The following MTUS2 variants were observed in gnomAD, a reference collection of about 807,000 sequenced individuals.
MTUS2 encodes microtubule-associated tumor suppressor candidate 2.
A neutral mutation model predicts 114.1 loss-of-function variants in MTUS2; 40 were observed. That is an observed-to-expected ratio of 0.35 (90% confidence interval 0.27 to 0.46). The LOEUF is 0.46. MTUS2 is among the 20% of genes least tolerant of loss of function. MTUS2 has a pLI of 1.00. For synonymous variants in MTUS2, 688 were observed against 672.0 expected (o/e 1.02, Z -0.37); for missense variants, 1,679 against 1,705.4 (o/e 0.98, Z 0.27).
chr13:28,925,829 G>T (rs2138069615), intron 2 of MTUS2, among the ~76,000 whole-genome samples: 1 of 152,310 alleles, frequency 6.6e-6, no homozygotes, highest in South Asian at 2.1e-4. Flanking sequence ...ACACATAATA[G>T]CTGTTAGCGT....
At chr13:28,847,259 GT>G (rs962637201) in intron 2 of MTUS2, among the ~76,000 whole-genome samples, 7 of 151,410 alleles carry the variant, frequency 4.6e-5, no homozygotes, top group African/African-American at 1.5e-4. Context: ...ATCACTTGAG[GT>G]TTTTTTTTGG....
intron 5 of MTUS2, among the ~76,000 whole-genome samples, chr13:29,157,114 C>T (rs552158436): frequency 1.3e-5 from 2 of 152,354 alleles, no homozygotes; most frequent in East Asian, 1.9e-4. Flanking sequence ...CATGCATTCT[C>T]TGCCATGCTC....
At chr13:29,439,127 T>C (rs1485733242) in intron 8 of MTUS2, among the ~76,000 whole-genome samples, 1 of 152,238 alleles carries the variant, frequency 6.6e-6, no homozygotes, top group Non-Finnish European at 1.5e-5. Context: ...TGCTACAGAA[T>C]GACAGAGACT....
intron 2 of MTUS2, among the ~76,000 whole-genome samples, chr13:29,013,959 TA>T (rs1213560040): frequency 6.6e-6 from 1 of 152,282 alleles, no homozygotes; most frequent in Non-Finnish European, 1.5e-5. Flanking sequence ...TAACTATATG[TA>T]CGTCATATCA....
chr13:29,109,194 G>A (rs917588788), intron 5 of MTUS2, among the ~76,000 whole-genome samples: 1 of 152,118 alleles, frequency 6.6e-6, no homozygotes. Flanking sequence ...TAAAGATTGT[G>A]TATATTTACA....
chr13:29,485,906 A>T (rs139322757), intron 10 of MTUS2, among the ~76,000 whole-genome samples: 4,571 of 61,040 alleles, frequency 0.075, 244 homozygotes, highest in African/African-American at 0.23. Context: ...CTGTGTAGCA[A>T]CCCTCCAAAC....
At chr13:29,372,735 C>G (rs1871294893) in intron 8 of MTUS2, among the ~76,000 whole-genome samples, 1 of 152,050 alleles carries the variant, frequency 6.6e-6, no homozygotes, top group African/African-American at 2.4e-5. Flanking sequence ...TTCTTCAGAT[C>G]CATATGTATG....
chr13:29,343,385 G>T (rs1293639502), intron 7 of MTUS2, among the ~76,000 whole-genome samples: 4 of 151,898 alleles, frequency 2.6e-5, no homozygotes, highest in Non-Finnish European at 5.9e-5. Flanking sequence ...AATCTAGGAA[G>T]GTTGTATATT....
chr13:29,224,226 C>T (rs1896019246), intron 5 of MTUS2, among the ~76,000 whole-genome samples: 1 of 152,220 alleles, frequency 6.6e-6, no homozygotes, highest in African/African-American at 2.4e-5. Context: ...GATCCTATGA[C>T]ATTTGCATAT....
chr13:29,491,272 G>T (rs1593510819), intron 11 of MTUS2, among the ~76,000 whole-genome samples: 1 of 149,946 alleles, frequency 6.7e-6, no homozygotes, highest in East Asian at 2.0e-4. Context: ...GTGTGTCCTT[G>T]TGTAAATGTG....
chr13:29,274,402 G>A (rs550990264), intron 5 of MTUS2, among the ~76,000 whole-genome samples: 143 of 152,186 alleles, frequency 9.4e-4, no homozygotes, highest in Non-Finnish European at 1.9e-3. Context: ...GAGCCACCAC[G>A]CCTGGCCAAC....
chr13:29,262,712 C>A lies in MTUS2; in HGVS notation c.2645-18992C>A, dbSNP rs554875049. Among the ~76,000 whole-genome samples, 18 of 152,258 alleles carry A rather than the reference C, an allele frequency of 1.2e-4. No homozygotes were observed. The South Asian group carries it at 3.5e-3, about 30-fold the overall frequency. ...TGAAGCTGGGGAGGACTGTCAGTGT[C>A]AATACCTGCCACTTGCACAAATCAT... On this transcript the variant is annotated intron_variant, in intron 5 of 15. Transcript: ENST00000612955.
intron 8 of MTUS2, among the ~76,000 whole-genome samples, chr13:29,389,369 G>GTGTATA (rs1566172642): frequency 1.1e-4 from 6 of 53,680 alleles, no homozygotes; most frequent in East Asian, 1.0e-3. Flanking sequence ...GTATGCACGT[G>GTGTATA]TGTGTATATA....
At chr13:29,229,791 C>T (rs1896252277) in intron 5 of MTUS2, among the ~76,000 whole-genome samples, 1 of 152,136 alleles carries the variant, frequency 6.6e-6, no homozygotes, top group Non-Finnish European at 1.5e-5. Context: ...CATTTGTGTA[C>T]ATTTCTTCCT....
chr13:29,023,091 G>C lies in MTUS2; in HGVS notation c.-242-1366G>C, dbSNP rs114796369. ...GGAACGCTTCCTGGAGGAAGTGGTA[G>C]TTATGTTGCATATTGAAGGATGCAA... On this transcript the variant is annotated intron_variant, in intron 2 of 15. Coordinates refer to ENST00000612955, the MANE Select transcript of MTUS2 (RefSeq NM_001033602.4). Among the ~76,000 whole-genome samples, 176 of 152,340 alleles carry C rather than the reference G, an allele frequency of 1.2e-3. 1 individual carries two copies. The highest frequency in any genetic ancestry group is 0.01 in the Middle Eastern group (3 of 294).
At chr13:28,954,197 G>A (rs551107393) in intron 2 of MTUS2, among the ~76,000 whole-genome samples, 1 of 152,096 alleles carries the variant, frequency 6.6e-6, no homozygotes, top group South Asian at 2.1e-4. Context: ...TGGCATTTGC[G>A]AATAAATTCC....
intron 9 of MTUS2, among the ~76,000 whole-genome samples, chr13:29,471,587 G>A (rs1406098774): frequency 1.3e-5 from 2 of 152,140 alleles, no homozygotes; most frequent in Non-Finnish European, 2.9e-5. Flanking sequence ...GAGATGTGTT[G>A]CAGTTTACAA....
At chr13:29,048,247 T>G (rs1468627098) in intron 4 of MTUS2, among the ~76,000 whole-genome samples, 1 of 152,244 alleles carries the variant, frequency 6.6e-6, no homozygotes, top group African/African-American at 2.4e-5. Context: ...TTGTCTTACT[T>G]GACATGTTAA....
At chr13:28,933,570 C>A (rs1483692610) in intron 2 of MTUS2, among the ~76,000 whole-genome samples, 3 of 152,230 alleles carry the variant, frequency 2.0e-5, no homozygotes, top group Non-Finnish European at 4.4e-5. Flanking sequence ...TTAAAATTAA[C>A]CATCACAACA....
Sources: gnomAD v4.1 joint callset for allele counts (sites outside exome capture counted in the v4.1 genomes callset) on GRCh38, gnomAD v4.1.1 for gene constraint, MANE v1.5 for transcripts, NCBI Gene and HGNC (gene_info 2026-07-23, HGNC 2026-07-21) for gene names.